NBPF15: variants seen among roughly 807,000 people sequenced by gnomAD.
NBPF15 encodes NBPF member 15, also known as NBPF family member NBPF15.
In NBPF15, 74 loss-of-function variants were observed where a neutral mutation model predicts 62.2. The ratio of observed to expected loss-of-function variants is 1.19; its 90% confidence interval spans 0.99 to 1.44. NBPF15 has a LOEUF of 1.44. Ranked by LOEUF, NBPF15 falls within the 40% of genes most tolerant of loss-of-function variation. The pLI is 0.00. For synonymous variants in NBPF15, 244 were observed against 209.7 expected (o/e 1.16, Z -1.41); for missense variants, 790 against 550.0 (o/e 1.44, Z -4.36).
intron 6 of NBPF15, among the ~76,000 whole-genome samples, chr1:144,442,255 G>A (rs1380636909): frequency 3.8e-5 from 4 of 104,048 alleles, no homozygotes; most frequent in Admixed American, 1.0e-4. Flanking sequence ...TAATATAGAT[G>A]TAGGCCATTA....
intron 12 of NBPF15, among the ~76,000 whole-genome samples, 153 bp downstream of exon 12, chr1:144,434,958 T>C (rs1348742984): frequency 2.0e-5 from 3 of 151,982 alleles, no homozygotes; most frequent in African/African-American, 7.3e-5. Flanking sequence ...AGGCATGACA[T>C]TAGCTGAGAA....
intron 3 of NBPF15, among the ~76,000 whole-genome samples, chr1:144,458,407 C>T (rs1159595378): frequency 4.0e-5 from 6 of 151,370 alleles, no homozygotes; most frequent in Non-Finnish European, 4.4e-5. Context: ...TCCCTTAATA[C>T]ATTTTCCCTG....
chr1:144,428,545 C>G (rs1671712378), intron 15 of NBPF15, 61 bp downstream of exon 15: 2 of 664,342 alleles, frequency 3.0e-6, no homozygotes, highest in Non-Finnish European at 5.4e-6. Context: ...ACTGTTTTCC[C>G]TGGACTTGGC....
chr1:144,447,715 G>A lies in NBPF15; in HGVS notation c.-191+1060C>T, dbSNP rs4950154. On this transcript the variant is annotated intron_variant, in intron 6 of 21. Coordinates refer to ENST00000581897, the MANE Select transcript of NBPF15 (RefSeq NM_001385408.1). ...TCATATTCAGAAAAGAAAGCTCAGCGTAAAGCACTCAACCAGGAGTCAAGA... is the reference window on the plus strand; with the variant it reads ...TCATATTCAGAAAAGAAAGCTCAGCATAAAGCACTCAACCAGGAGTCAAGA... 6.6e-4 allele frequency among the ~76,000 whole-genome samples: 100 copies of A among 152,170 alleles called. 2 individuals carry two copies. Among genetic ancestry groups the A allele is most frequent in the South Asian group, 2.7e-3 (13 of 4,818 alleles).
chr1:144,436,246 C>T (rs1473367756), intron 10 of NBPF15, among the ~76,000 whole-genome samples: 1 of 147,942 alleles, frequency 6.8e-6, no homozygotes, highest in African/African-American at 2.7e-5. Flanking sequence ...AAACTTGTCC[C>T]ACAGTCCTCT....
intron 9 of NBPF15, among the ~76,000 whole-genome samples, chr1:144,437,488 A>C (rs1188358582): frequency 6.8e-6 from 1 of 147,110 alleles, no homozygotes; most frequent in East Asian, 2.0e-4. Flanking sequence ...TACAGAAATG[A>C]GGCCAGGTGC....
chr1:144,428,178 G>GACACACACACACACACACACAC (rs782021320), intron 15 of NBPF15, among the ~76,000 whole-genome samples, 188 bp from the exon 16 acceptor site: 2 of 132,546 alleles, frequency 1.5e-5, no homozygotes, highest in African/African-American at 5.8e-5. Flanking sequence ...GAAAGAGAAA[G>GACACACACACACACACACACAC]ACACACACAC....
At chr1:144,443,173 C>T (rs1378415941) in intron 6 of NBPF15, among the ~76,000 whole-genome samples, 1 of 151,836 alleles carries the variant, frequency 6.6e-6, no homozygotes, top group African/African-American at 2.4e-5. Context: ...TTCCCCCACC[C>T]ATACCCCTCC....
intron 13 of NBPF15, among the ~76,000 whole-genome samples, chr1:144,431,561 T>C (rs1466623154): frequency 6.7e-6 from 1 of 148,832 alleles, no homozygotes; most frequent in Non-Finnish European, 1.5e-5. Context: ...GTTACATATG[T>C]ATACATGTCC....
At chr1:144,444,031 A>G (rs1228767454) in intron 6 of NBPF15, among the ~76,000 whole-genome samples, 2 of 151,940 alleles carry the variant, frequency 1.3e-5, no homozygotes, top group Non-Finnish European at 2.9e-5. Flanking sequence ...TCATGCATCA[A>G]TGTAATTTTA....
chr1:144,438,878 G>A (rs1445777320), intron 8 of NBPF15, among the ~76,000 whole-genome samples: 50 of 152,000 alleles, frequency 3.3e-4, no homozygotes, highest in African/African-American at 1.1e-3. Context: ...ACACATTCTC[G>A]GATGCGATCT....
intron 6 of NBPF15, among the ~76,000 whole-genome samples, chr1:144,443,999 T>C (rs1412056715): frequency 6.6e-6 from 1 of 151,918 alleles, no homozygotes; most frequent in Non-Finnish European, 1.5e-5. Flanking sequence ...ATGATACCTG[T>C]GTTCTTTTGT....
chr1:144,441,712 T>G (rs2102284962), intron 6 of NBPF15, among the ~76,000 whole-genome samples: 1 of 151,356 alleles, frequency 6.6e-6, no homozygotes, highest in East Asian at 1.9e-4. Context: ...CTGTGTCAAG[T>G]TCATGAAACT....
At chr1:144,442,360 ATATACATG>A (rs1452650991) in intron 6 of NBPF15, among the ~76,000 whole-genome samples, 3 of 137,382 alleles carry the variant, frequency 2.2e-5, no homozygotes, top group Non-Finnish European at 3.1e-5. Flanking sequence ...ATATACACAT[ATATACATG>A]TATACATGTA....
rs1305587762 is a variant in NBPF15 at position 144,422,864 on chromosome 1, A to G, written c.*149T>C. On this transcript the variant is annotated 3_prime_UTR_variant, in exon 22 of 22. Coordinates refer to ENST00000581897, the MANE Select transcript of NBPF15 (RefSeq NM_001385408.1). ...TCTTCAGATTGAGCACAGGTTGCCA[A>G]TGGCATGGTTTGAGAATAGGAATAG... is the stretch of plus-strand genomic sequence containing the variant. The G allele has an allele frequency of 1.3e-6, 2 of 1,572,866 alleles. No individual in the cohort carries two copies. Among genetic ancestry groups the G allele is most frequent in the Admixed American group, 3.6e-5 (2 of 56,248 alleles).
chr1:144,432,378 C>T (rs1243998167), intron 13 of NBPF15, among the ~76,000 whole-genome samples: 222 of 152,032 alleles, frequency 1.5e-3, no homozygotes, highest in Middle Eastern at 3.4e-3. Context: ...AGACCATTGA[C>T]GCTAGGAAGA....
At chr1:144,427,709 C>T in intron 16 of NBPF15, 109 bp downstream of exon 16, 3 of 616,352 alleles carry the variant, frequency 4.9e-6, no homozygotes, top group South Asian at 2.0e-5. Context: ...TATAGGTCCT[C>T]CCTGTGGCAA....
intron 6 of NBPF15, among the ~76,000 whole-genome samples, chr1:144,443,230 T>TA (rs1477142709): frequency 6.6e-6 from 1 of 151,864 alleles, no homozygotes; most frequent in Non-Finnish European, 1.5e-5. Flanking sequence ...TTTTTATGAA[T>TA]AAAAAAGATT....
chr1:144,455,772 C>T (rs1437928652), intron 4 of NBPF15, among the ~76,000 whole-genome samples: 1 of 151,918 alleles, frequency 6.6e-6, no homozygotes, highest in Non-Finnish European at 1.5e-5. Context: ...CTTTCTCCCC[C>T]TCTCAATGCC....
Sources: allele counts gnomAD v4.1 joint callset (sites outside exome capture counted in the v4.1 genomes callset), GRCh38; gene constraint gnomAD v4.1.1; transcripts MANE v1.5; gene names NCBI Gene and HGNC (gene_info 2026-07-23, HGNC 2026-07-21).